Variants in SKAP2 observed in about 807,000 individuals in gnomAD.
The protein encoded by SKAP2 is src kinase-associated phosphoprotein 2.
A neutral mutation model predicts 54.9 loss-of-function variants in SKAP2; 28 were observed. The observed-to-expected ratio is 0.51, with a 90% CI of 0.38 to 0.70. The LOEUF (loss-of-function observed/expected upper bound fraction) is 0.70, where lower values mean the gene tolerates loss of function less well. Among genes scored for constraint, SKAP2 ranks in the 30% least tolerant of loss-of-function variants. The pLI, the probability that SKAP2 is intolerant of heterozygous loss-of-function variation, is 0.00. For synonymous variants in SKAP2, 137 were observed against 134.3 expected (o/e 1.02, Z -0.14); for missense variants, 356 against 424.1 (o/e 0.84, Z 1.41).
At chr7:26,782,826 G>C (rs1377714550) in intron 4 of SKAP2, among the ~76,000 whole-genome samples, 1 of 152,142 alleles carries the variant, frequency 6.6e-6, no homozygotes, top group Admixed American at 6.5e-5. Context: ...GCACATAGAA[G>C]GCACCATTTA....
In SKAP2 at chr7:26,731,295, A is replaced by G. The variant is rs547117373; in HGVS notation, c.470-4289T>C. Among the ~76,000 whole-genome samples the G allele has an allele frequency of 2.6e-5, 4 of 152,310 alleles. No homozygotes were observed. The South Asian group carries it at 8.3e-4, about 32-fold the overall frequency. On this transcript the variant is annotated intron_variant, in intron 6 of 12. Transcript: ENST00000345317. ...CCCAGGTGATTTTGATACACACTAC[A>G]ACCACTGTCCTCAATACAATGTGAA...
intron 6 of SKAP2, among the ~76,000 whole-genome samples, chr7:26,736,733 C>T (rs964995892): frequency 6.6e-6 from 1 of 152,054 alleles, no homozygotes; most frequent in Non-Finnish European, 1.5e-5. Flanking sequence ...ACAGAAAGGG[C>T]TAAATGGATC....
intron 4 of SKAP2, among the ~76,000 whole-genome samples, chr7:26,836,331 G>C (rs565257868): frequency 6.6e-6 from 1 of 152,234 alleles, no homozygotes; most frequent in South Asian, 2.1e-4. Flanking sequence ...ACAAAAGCCA[G>C]AATTGACAAA....
At chr7:26,760,741 G>A (rs955602396) in intron 4 of SKAP2, among the ~76,000 whole-genome samples, 14 of 152,292 alleles carry the variant, frequency 9.2e-5, no homozygotes, top group African/African-American at 3.1e-4. Context: ...GACTACTGTA[G>A]TTGTGTCAAA....
chr7:26,742,004 A>G (rs1218180283), intron 4 of SKAP2, among the ~76,000 whole-genome samples: 2 of 152,232 alleles, frequency 1.3e-5, no homozygotes, highest in Non-Finnish European at 2.9e-5. Context: ...TGAAATGTAT[A>G]TGAAATTTTA....
chr7:26,679,930 CT>C (rs1786449287), intron 11 of SKAP2, among the ~76,000 whole-genome samples: 1 of 152,154 alleles, frequency 6.6e-6, no homozygotes, highest in South Asian at 2.1e-4. Context: ...AAAAAGTACC[CT>C]TTTATTTTAT....
the SKAP2 span, among the ~76,000 whole-genome samples, chr7:26,660,899 C>CT: frequency 6.6e-6 from 1 of 152,020 alleles, no homozygotes; most frequent in Non-Finnish European, 1.5e-5. Flanking sequence ...ACTACCATGA[C>CT]ATCATCCGAT....
In SKAP2 at chr7:26,668,618, G is replaced by C. The variant is rs1458430313; in HGVS notation, c.*1048C>G. 1 of 151,036 alleles carries C rather than the reference G, an allele frequency of 6.6e-6. No individual in the cohort carries two copies. Among genetic ancestry groups the C allele is most frequent in the Non-Finnish European group, 1.5e-5 (1 of 67,878 alleles). 9.4% of individuals were successfully genotyped at this position (151,036 alleles called of 1,614,324 possible). A position where few individuals can be genotyped will look rare whatever the true frequency, so the allele number is the denominator to read the frequency against. ...TATAGCAATAAGGCAAGATAAGAGA[G>C]TGCTTGGTTATGCCTTTTTACTTTG... On this transcript the variant is annotated 3_prime_UTR_variant, in exon 13 of 13. Transcript: ENST00000345317.
At chr7:26,826,549 A>G (rs564625790) in intron 4 of SKAP2, among the ~76,000 whole-genome samples, 2 of 152,328 alleles carry the variant, frequency 1.3e-5, no homozygotes, top group Admixed American at 6.5e-5. Flanking sequence ...TGTTTCACAA[A>G]TGTGAAAAAC....
rs1465601144 is a variant in SKAP2, at chr7:26,690,223, G to T, written c.874+62C>A. On this transcript the variant is annotated intron_variant, in intron 10 of 12. Transcript: ENST00000345317. ...AACATCTTTAGAACAGTAAGAACAT[G>T]GATAAAATGAAAGTGAACAAAAGCA... 4.2e-6 allele frequency: 5 copies of T among 1,188,858 alleles called. No individual in the cohort carries two copies. In the East Asian group the frequency reaches 7.0e-5, roughly 17 times the overall value. 73.6% of individuals were successfully genotyped at this position (1,188,858 alleles called of 1,614,324 possible).
intron 1 of SKAP2, among the ~76,000 whole-genome samples, chr7:26,857,088 A>C (rs1785178621): frequency 6.6e-6 from 1 of 150,690 alleles, no homozygotes; most frequent in Non-Finnish European, 1.5e-5. Context: ...TTTTTGAAAG[A>C]GTGTGGGACT....
At chr7:26,857,524 G>A in intron 1 of SKAP2, 5 of 985,306 alleles carry the variant, frequency 5.1e-6, no homozygotes, top group African/African-American at 3.5e-5. Context: ...GGTGGCGTTC[G>A]GCCGGTGTCT....
At chr7:26,761,656 T>C (rs1782932271) in intron 4 of SKAP2, among the ~76,000 whole-genome samples, 2 of 152,118 alleles carry the variant, frequency 1.3e-5, no homozygotes, top group African/African-American at 4.8e-5. Flanking sequence ...AATAGCACTT[T>C]GGGAGGCCGA....
chr7:26,771,897 T>C (rs1355352924), intron 4 of SKAP2, among the ~76,000 whole-genome samples: 2 of 152,210 alleles, frequency 1.3e-5, no homozygotes, highest in African/African-American at 2.4e-5. Context: ...ACAAACGGGT[T>C]TGGACATAGG....
chr7:26,803,678 T>C (rs1369333645), intron 4 of SKAP2, among the ~76,000 whole-genome samples: 3 of 152,330 alleles, frequency 2.0e-5, no homozygotes, highest in South Asian at 2.1e-4. Flanking sequence ...CCTACGTTTG[T>C]TGCAGCATTA....
At chr7:26,670,032 A>T (rs1220781285) in intron 12 of SKAP2, 59 bp downstream of exon 12, 3 of 720,474 alleles carry the variant, frequency 4.2e-6, no homozygotes. Context: ...AAGACTCATA[A>T]CGAAGAGACC....
intron 4 of SKAP2, among the ~76,000 whole-genome samples, chr7:26,799,782 C>T (rs1268803339): frequency 6.6e-6 from 1 of 152,180 alleles, no homozygotes; most frequent in Non-Finnish European, 1.5e-5. Context: ...GCACATGGAT[C>T]ATTCTCAAGA....
chr7:26,758,982 C>T (rs967272986), intron 4 of SKAP2, among the ~76,000 whole-genome samples: 7 of 151,990 alleles, frequency 4.6e-5, no homozygotes, highest in African/African-American at 1.2e-4. Context: ...ACAAATTTTC[C>T]GAAATGAAAT....
chr7:26,807,510 C>T (rs1017496482), intron 4 of SKAP2, among the ~76,000 whole-genome samples: 1 of 152,206 alleles, frequency 6.6e-6, no homozygotes, highest in Admixed American at 6.5e-5. Context: ...TTTTAAGTTT[C>T]CTGAGGCGCC....
Sources: allele counts gnomAD v4.1 joint callset (sites outside exome capture counted in the v4.1 genomes callset), GRCh38; gene constraint gnomAD v4.1.1; transcripts MANE v1.5; gene names NCBI Gene and HGNC (gene_info 2026-07-23, HGNC 2026-07-21).